Variants in CEP89 observed in about 807,000 individuals in gnomAD.
CEP89 encodes the protein centrosomal protein of 89 kDa.
CEP89 carries 95 observed loss-of-function variants against 97.6 expected under a neutral mutation model. The ratio of observed to expected loss-of-function variants is 0.97; its 90% CI spans 0.82 to 1.15. The LOEUF (loss-of-function observed/expected upper bound fraction) is 1.15, where lower values mean the gene tolerates loss of function less well. Among genes scored for constraint, CEP89 ranks in the 50% most tolerant of loss-of-function variants. The pLI, the probability that CEP89 is intolerant of heterozygous loss-of-function variation, is 0.00. For missense variants in CEP89, 869 were observed against 947.7 expected, an observed-to-expected ratio of 0.92 and a Z score of 1.09; for synonymous variants, 354 against 349.1, an observed-to-expected ratio of 1.01 and a Z score of -0.16.
chr19:32,929,634 C>T (rs1170515246), intron 9 of CEP89, among the ~76,000 whole-genome samples: 2 of 151,410 alleles, frequency 1.3e-5, no homozygotes, highest in Non-Finnish European at 2.9e-5. Flanking sequence ...AGATCAATCA[C>T]TTCTGGCTGG....
chr19:32,919,534 C>G (rs1484175974), intron 12 of CEP89, among the ~76,000 whole-genome samples: 1 of 152,196 alleles, frequency 6.6e-6, no homozygotes. Flanking sequence ...GTGGGGGTGC[C>G]TCTTGCCTGC....
At position 32,939,839 on chromosome 19, in the gene CEP89, T is replaced by TA. The variant is rs760884176; in HGVS notation, c.624+17dup. On this transcript the variant is annotated intron_variant, in intron 6 of 18. Transcript: ENST00000305768. ...TCTATTTATTGAGAAAATCAGTTTT[T>TA]AAAAAAAATGATCTTACCTTTAAAT... is the stretch of plus-strand genomic sequence containing the variant. The TA allele has an allele frequency of 6.6e-5, 75 of 1,132,642 alleles. No individual in the cohort carries two copies. Among genetic ancestry groups the TA allele is most frequent in the South Asian group, 9.6e-5 (7 of 73,122 alleles). The allele number at this position is 1,132,642 out of a possible 1,614,324, so 70.2% of individuals were successfully genotyped here. A position where few individuals can be genotyped will look rare whatever the true frequency, so the allele number is the denominator to read the frequency against.
chr19:32,924,580 C>A (rs1210928251), intron 11 of CEP89, among the ~76,000 whole-genome samples: 2 of 152,090 alleles, frequency 1.3e-5, no homozygotes, highest in Non-Finnish European at 2.9e-5. Flanking sequence ...CTACTCCCAG[C>A]TGTCAGGTGT....
intron 3 of CEP89, among the ~76,000 whole-genome samples, chr19:32,956,241 A>G (rs987681596): frequency 2.0e-5 from 3 of 151,164 alleles, no homozygotes; most frequent in African/African-American, 7.3e-5. Flanking sequence ...TTTTTAGTAA[A>G]GACAGGGTTT....
At chr19:32,951,520 TATATATATATATATACACACACACACAC>T (rs1204438414) in intron 4 of CEP89, among the ~76,000 whole-genome samples, 3 of 50,992 alleles carry the variant, frequency 5.9e-5, no homozygotes, top group Non-Finnish European at 1.2e-4. Flanking sequence ...ATTATATATA[TATATATATATATATACACACACACACAC>T]ACACACACAC....
intron 16 of CEP89, among the ~76,000 whole-genome samples, chr19:32,892,306 C>CT (rs56710630): frequency 0.18 from 23,306 of 131,066 alleles, 2,625 homozygotes; most frequent in African/African-American, 0.3. Context: ...TTTCTTTTTC[C>CT]TTTTTTTTTC....
At chr19:32,930,934 G>T (rs1478909151) in intron 9 of CEP89, among the ~76,000 whole-genome samples, 4 of 151,920 alleles carry the variant, frequency 2.6e-5, no homozygotes, top group Non-Finnish European at 5.9e-5. Context: ...CACCCAGGCT[G>T]GAGTGTAGTG....
intron 5 of CEP89, among the ~76,000 whole-genome samples, chr19:32,944,230 A>AAAAAAAAAAAAAAAAAAAAAC: frequency 8.4e-6 from 1 of 118,600 alleles, no homozygotes; most frequent in African/African-American, 3.0e-5. Flanking sequence ...TAAAAAAAAA[A>AAAAAAAAAAAAAAAAAAAAAC]AAAAAAAGAC....
chr19:32,894,551 T>A (rs1969599706), intron 16 of CEP89, among the ~76,000 whole-genome samples: 2 of 152,248 alleles, frequency 1.3e-5, no homozygotes, highest in African/African-American at 4.8e-5. Flanking sequence ...GTCCTGCATG[T>A]ACAGCTAGGC....
rs201311820 is a variant in CEP89 at position 32,879,213 on chromosome 19, G to C, written c.2301C>G (p.Asp767Glu). The change falls in exon 19 of 19, where the codon GAC becomes GAG. Residue 767 changes from aspartate (D) to glutamate (E), a missense_variant. Asp to Glu is a conservative substitution (Grantham distance 45). Transcript: ENST00000305768. ...GGTCATAGGAGCAGACATCGCAGCC[G>C]TCCAGCAGGTCTGCCTGAGAGACGC... ...LNGVSQADLL[D>E]GCDVCSYDLK... 1 of 1,614,116 alleles carries C rather than the reference G, an allele frequency of 6.2e-7. No individual in the cohort carries two copies. Among genetic ancestry groups the C allele is most frequent in the Middle Eastern group, 1.7e-4 (1 of 6,060 alleles).
At chr19:32,963,293 T>G (rs1971207115) in intron 2 of CEP89, among the ~76,000 whole-genome samples, 1 of 151,818 alleles carries the variant, frequency 6.6e-6, no homozygotes, top group African/African-American at 2.4e-5. Flanking sequence ...GAGGCGGAGG[T>G]TGAAGTGAGC....
chr19:32,964,235 C>T (rs775817908), intron 2 of CEP89, among the ~76,000 whole-genome samples: 23 of 151,640 alleles, frequency 1.5e-4, no homozygotes, highest in Non-Finnish European at 2.2e-4. Context: ...TACAGTGGTG[C>T]GATCTGGGCT....
At chr19:32,929,157 T>C (rs898005628) in intron 9 of CEP89, among the ~76,000 whole-genome samples, 1 of 152,224 alleles carries the variant, frequency 6.6e-6, no homozygotes, top group African/African-American at 2.4e-5. Flanking sequence ...TTATGGACAC[T>C]GCAACGCAAC....
At chr19:32,951,532 T>TACACACACACACAC (rs1227138116) in intron 4 of CEP89, among the ~76,000 whole-genome samples, 1 of 112,408 alleles carries the variant, frequency 8.9e-6, no homozygotes, top group African/African-American at 3.5e-5. Context: ...TATATATATA[T>TACACACACACACAC]ATACACACAC....
chr19:32,918,884 CTT>C lies in CEP89; in HGVS notation c.1269-547_1269-546del, dbSNP rs11339528. On this transcript the variant is annotated intron_variant, in intron 12 of 18. Transcript: ENST00000305768. The stretch of plus-strand genomic sequence containing the variant: ...TTTTTTCTTTTTTCTTTTTCTTTTT[CTT>C]TTTTTTTTTTTTTTTTGAGACAGAG... 1.8e-3 allele frequency among the ~76,000 whole-genome samples: 208 copies of C among 117,640 alleles called. 2 individuals are homozygous for C. The highest frequency in any genetic ancestry group is 2.7e-3 in the Non-Finnish European group (155 of 57,792). The allele number at this position is 117,640 out of a possible 152,430, so 77.2% of individuals were successfully genotyped here.
intron 3 of CEP89, among the ~76,000 whole-genome samples, chr19:32,958,290 G>A (rs759734392): frequency 6.6e-6 from 1 of 152,012 alleles, no homozygotes; most frequent in Admixed American, 6.6e-5. Context: ...AATACTAATA[G>A]TAGGAAGGGT....
chr19:32,961,578 CA>C lies in CEP89; in HGVS notation c.147-1521del, dbSNP rs1193124918. Among the ~76,000 whole-genome samples the C allele has an allele frequency of 1.4e-3, 86 of 62,312 alleles. 1 individual carries two copies. Among genetic ancestry groups the C allele is most frequent in the Middle Eastern group, 0.02 (2 of 100 alleles). 40.9% of individuals were successfully genotyped at this position (62,312 alleles called of 152,430 possible). A position where few individuals can be genotyped will look rare whatever the true frequency, so the allele number is the denominator to read the frequency against. ...TGGGCGACAGAGCGAGACTCCATCT[CA>C]AAAAAAAAAAAAAAAAAAAGAGCAT... On this transcript the variant is annotated intron_variant, in intron 2 of 18. Transcript: ENST00000305768.
intron 14 of CEP89, among the ~76,000 whole-genome samples, chr19:32,906,465 T>C (rs1969889243): frequency 6.6e-6 from 1 of 152,206 alleles, no homozygotes; most frequent in Non-Finnish European, 1.5e-5. Flanking sequence ...GATTATATGC[T>C]ATTATTGTTG....
chr19:32,939,707 T>G (rs555962883), intron 6 of CEP89, 150 bp downstream of exon 6: 8 of 478,062 alleles, frequency 1.7e-5, no homozygotes, highest in Non-Finnish European at 2.7e-5. Flanking sequence ...AAAAGAAATA[T>G]TCAACAGGAA....
Sources: allele counts gnomAD v4.1 joint callset (sites outside exome capture counted in the v4.1 genomes callset), GRCh38; gene constraint gnomAD v4.1.1; transcripts MANE v1.5; gene names NCBI Gene and HGNC (gene_info 2026-07-23, HGNC 2026-07-21).